UNC79: variants seen among roughly 807,000 people sequenced by gnomAD.
The protein encoded by UNC79 is protein unc-79 homolog.
UNC79 carries 37 observed loss-of-function variants against 283.1 expected under a neutral mutation model. The observed-to-expected ratio is 0.13, with a 90% CI of 0.10 to 0.17. UNC79 has a LOEUF of 0.17. Ranked by LOEUF, UNC79 falls within the 10% of genes least tolerant of loss-of-function variation. The pLI, the probability that UNC79 is intolerant of heterozygous loss-of-function variation, is 1.00. For missense variants in UNC79, 2,272 were observed against 3,211.1 expected (o/e 0.71, Z 7.07); for synonymous variants, 1,107 against 1,200.2 (o/e 0.92, Z 1.61).
At chr14:93,592,094 C>T (rs1000826950) in intron 22 of UNC79, among the ~76,000 whole-genome samples, 13 of 150,788 alleles carry the variant, frequency 8.6e-5, no homozygotes, top group Non-Finnish European at 1.5e-4. Flanking sequence ...ATAATAGATT[C>T]GTGTATAATT....
At chr14:93,683,143 T>G (rs1298689194) in intron 42 of UNC79, among the ~76,000 whole-genome samples, 1 of 152,202 alleles carries the variant, frequency 6.6e-6, no homozygotes, top group Non-Finnish European at 1.5e-5. Flanking sequence ...GTTTTTTTTT[T>G]TAAGGGTTCT....
intron 1 of UNC79, among the ~76,000 whole-genome samples, chr14:93,444,400 C>A (rs2056403349): frequency 6.6e-6 from 1 of 152,084 alleles, no homozygotes; most frequent in African/African-American, 2.4e-5. Flanking sequence ...GTTTTCTTAA[C>A]AATGACTTTC....
At chr14:93,599,997 C>T (rs4905080) in intron 24 of UNC79, among the ~76,000 whole-genome samples, 152,055 of 152,234 alleles carry the variant, frequency 1, 75,938 homozygotes, top group Middle Eastern at 1. Context: ...GTCAGGAGAT[C>T]GAGACCATCC....
chr14:93,416,127 G>A (rs1413960408), intron 1 of UNC79, among the ~76,000 whole-genome samples: 1 of 137,208 alleles, frequency 7.3e-6, no homozygotes, highest in South Asian at 2.5e-4. Context: ...TGTCAATTTT[G>A]GATCTTTCCT....
At chr14:93,695,231 C>T (rs1182848523) in intron 47 of UNC79, among the ~76,000 whole-genome samples, 1 of 152,118 alleles carries the variant, frequency 6.6e-6, no homozygotes, top group Admixed American at 6.5e-5. Context: ...CCACTGTCAC[C>T]AACCACCATC....
intron 41 of UNC79, among the ~76,000 whole-genome samples, chr14:93,677,618 G>A (rs1276907519): frequency 6.6e-6 from 1 of 152,084 alleles, no homozygotes; most frequent in Non-Finnish European, 1.5e-5. Flanking sequence ...CATGTCAGAT[G>A]GGATGAGGAG....
chr14:93,537,728 C>A (rs1383966602), intron 11 of UNC79, among the ~76,000 whole-genome samples: 1 of 152,198 alleles, frequency 6.6e-6, no homozygotes, highest in African/African-American at 2.4e-5. Context: ...GCTGAGGTAA[C>A]TTTACACAGG....
At chr14:93,618,787 C>T (rs1216996241) in intron 29 of UNC79, among the ~76,000 whole-genome samples, 1 of 152,152 alleles carries the variant, frequency 6.6e-6, no homozygotes, top group Non-Finnish European at 1.5e-5. Flanking sequence ...TTTTCCTAGA[C>T]TTTTAATTTA....
intron 26 of UNC79, among the ~76,000 whole-genome samples, chr14:93,612,013 A>G (rs1476246543): frequency 6.6e-6 from 1 of 152,192 alleles, no homozygotes; most frequent in African/African-American, 2.4e-5. Flanking sequence ...AGAGAAAGTC[A>G]ATGTCAGGGA....
chr14:93,448,244 A>G (rs2140158300), intron 1 of UNC79, among the ~76,000 whole-genome samples: 1 of 148,612 alleles, frequency 6.7e-6, no homozygotes, highest in Non-Finnish European at 1.5e-5. Context: ...GTCTGTTTTC[A>G]AGTTCACTTA....
At chr14:93,485,249 T>TGTGTGC (rs1359837129) in intron 4 of UNC79, among the ~76,000 whole-genome samples, 1 of 151,126 alleles carries the variant, frequency 6.6e-6, no homozygotes, top group African/African-American at 2.4e-5. Flanking sequence ...TGTGTGTGTG[T>TGTGTGC]GTGTGCGTGT....
At chr14:93,491,103 G>A (rs2058700617) in intron 5 of UNC79, among the ~76,000 whole-genome samples, 1 of 152,102 alleles carries the variant, frequency 6.6e-6, no homozygotes, top group Non-Finnish European at 1.5e-5. Context: ...TCGTTCTGCT[G>A]TGTCCTCAAG....
intron 19 of UNC79, among the ~76,000 whole-genome samples, chr14:93,581,090 C>T (rs1369719551): frequency 6.6e-6 from 1 of 152,102 alleles, no homozygotes; most frequent in African/African-American, 2.4e-5. Context: ...CTGTAACTCA[C>T]ATGTTATAGC....
chr14:93,404,511 T>TATATATATATATATATATATATATATAA (rs1342806157), intron 1 of UNC79, among the ~76,000 whole-genome samples: 8 of 117,176 alleles, frequency 6.8e-5, no homozygotes, highest in Non-Finnish European at 1.3e-4. Flanking sequence ...TATATATATA[T>TATATATATATATATATATATATATATAA]ATAAATATAT....
At position 93,643,713 on chromosome 14, in the gene UNC79, T is replaced by C; in HGVS notation, c.6044+16T>C. On this transcript the variant is annotated intron_variant, in intron 34 of 48. Transcript: ENST00000555664. ...CTGTGGGAAGGTGAATGTCAGCTTC[T>C]GTTTTGTTTGGTAGGAAGGTCCTTT... is the stretch of plus-strand genomic sequence containing the variant. 6.2e-7 allele frequency: 1 copy of C among 1,611,364 alleles called. No individual in the cohort carries two copies. Among genetic ancestry groups the C allele is most frequent in the Non-Finnish European group, 8.5e-7 (1 of 1,179,764 alleles).
chr14:93,657,234 G>T (rs1335976093), intron 38 of UNC79, among the ~76,000 whole-genome samples: 1 of 152,138 alleles, frequency 6.6e-6, no homozygotes, highest in Admixed American at 6.6e-5. Flanking sequence ...CAACACACAG[G>T]AAACTGAGTG....
chr14:93,666,065 TTG>T (rs3993787), intron 40 of UNC79, among the ~76,000 whole-genome samples: 107,450 of 149,970 alleles, frequency 0.72, 38,905 homozygotes, highest in African/African-American at 0.8. Flanking sequence ...GGGTGTGTGT[TTG>T]TGTGTGTGTG....
chr14:93,612,772 C>G, intron 26 of UNC79, 25 bp from the exon 28 acceptor site: 1 of 1,604,214 alleles, frequency 6.2e-7, no homozygotes, highest in Non-Finnish European at 8.5e-7. Context: ...GAGCCACCCA[C>G]TGACAGCCTT....
chr14:93,567,681 C>T (rs140051154), intron 14 of UNC79, among the ~76,000 whole-genome samples: 28 of 152,314 alleles, frequency 1.8e-4, no homozygotes, highest in African/African-American at 6.3e-4. Flanking sequence ...GCATTTAATT[C>T]GGCTGAAGTT....
Sources: gnomAD v4.1 joint callset for allele counts (sites outside exome capture counted in the v4.1 genomes callset) on GRCh38, gnomAD v4.1.1 for gene constraint, MANE v1.5 for transcripts, NCBI Gene and HGNC (gene_info 2026-07-23, HGNC 2026-07-21) for gene names.